Variants in KNG1 observed in about 807,000 individuals in gnomAD.
The protein encoded by KNG1 is kininogen 1.
A neutral mutation model predicts 47.8 loss-of-function variants in KNG1; 23 were observed. That is an observed-to-expected ratio of 0.48 (90% CI 0.35 to 0.68). KNG1 has a LOEUF of 0.68. Among genes scored for constraint, KNG1 ranks in the 30% least tolerant of loss-of-function variants. KNG1 has a pLI of 0.01. For synonymous variants in KNG1, 277 were observed against 277.0 expected (o/e 1.00, Z 0.00); for missense variants, 762 against 790.2 (o/e 0.96, Z 0.43).
At chr3:186,724,422 C>A (rs1284346762) in intron 3 of KNG1, among the ~76,000 whole-genome samples, 1 of 152,122 alleles carries the variant, frequency 6.6e-6, no homozygotes, top group African/African-American at 2.4e-5. Flanking sequence ...AATACAAACT[C>A]TTTTTAATAA....
intron 4 of KNG1, among the ~76,000 whole-genome samples, chr3:186,725,542 G>GTTTTTTTTTTTTTTTTTTTTTTTTTTT (rs1560063426): frequency 1.3e-5 from 1 of 75,062 alleles, no homozygotes; most frequent in African/African-American, 5.3e-5. Flanking sequence ...CCGGCCTTAG[G>GTTTTTTTTTTTTTTTTTTTTTTTTTTT]ATTTTTTTTT....
chr3:186,725,529 A>ATACCG (rs1366689832), intron 4 of KNG1, among the ~76,000 whole-genome samples: 1 of 113,452 alleles, frequency 8.8e-6, no homozygotes, highest in Non-Finnish European at 1.9e-5. Flanking sequence ...AGGAAAAGTC[A>ATACCG]TACCGGCCTT....
At chr3:186,723,412 C>T (rs1378161418) in intron 3 of KNG1, among the ~76,000 whole-genome samples, 1 of 152,086 alleles carries the variant, frequency 6.6e-6, no homozygotes, top group African/African-American at 2.4e-5. Context: ...TCTTCATTTC[C>T]CCCTTCTACC....
chr3:186,722,223 T>C lies in KNG1; in HGVS notation c.307-214T>C, dbSNP rs1720223009. The C allele has an allele frequency of 1.4e-5, 8 of 557,580 alleles. No homozygotes were observed. In the South Asian group the frequency reaches 1.5e-4, roughly 10 times the overall value. The allele number at this position is 557,580 out of a possible 1,614,324, so 34.5% of individuals were successfully genotyped here. On this transcript the variant is annotated intron_variant, in intron 2 of 9. Coordinates refer to ENST00000644859, the MANE Select transcript of KNG1 (RefSeq NM_001102416.3). ...TTAAAACCTCATCATTTACACTGTC[T>C]TTCCTCCAGCATCTCATGAATATCA...
chr3:186,722,468 AGAG>A lies in KNG1; in HGVS notation c.342_344del (p.Arg114del), dbSNP rs1358578652. 6.2e-7 allele frequency: 1 copy of A among 1,614,030 alleles called. No homozygotes were observed. Among genetic ancestry groups the A allele is most frequent in the Admixed American group, 1.7e-5 (1 of 60,008 alleles). On this transcript the variant is annotated inframe_deletion, in exon 3 of 10. Coordinates refer to ENST00000644859, the MANE Select transcript of KNG1 (RefSeq NM_001102416.3). ...GGAGAATGCACGGCAACCGTGGGGAAGAGGAGCAGTACGAAATTCTCCGTGGCT... is the reference window on the plus strand; with the variant it reads ...GGAGAATGCACGGCAACCGTGGGGAAGAGCAGTACGAAATTCTCCGTGGCT...
chr3:186,723,538 T>C (rs1361855420), intron 3 of KNG1, among the ~76,000 whole-genome samples: 5 of 152,206 alleles, frequency 3.3e-5, no homozygotes, highest in Non-Finnish European at 7.3e-5. Context: ...TTTCTGTGCT[T>C]GAGTTGTTTC....
At chr3:186,730,801 A>G (rs1014645379) in intron 5 of KNG1, among the ~76,000 whole-genome samples, 8 of 120,690 alleles carry the variant, frequency 6.6e-5, no homozygotes, top group Non-Finnish European at 1.4e-4. Flanking sequence ...TTAGTATGAT[A>G]CTTATGAAAG....
Position 186,744,107 on chromosome 3 carries a change from C to T in KNG1, c.*1776C>T, listed in dbSNP as rs1418969479. ...GTCCTTAGGCGGGACTTCCTTACCA[C>T]CACGGGTGCTAAAAGAAGAGTTAGT... On this transcript the variant is annotated 3_prime_UTR_variant, in exon 10 of 10. Coordinates refer to ENST00000644859, the MANE Select transcript of KNG1 (RefSeq NM_001102416.3). 1 of 387,818 alleles carries T rather than the reference C, an allele frequency of 2.6e-6. No individual in the cohort carries two copies. 24.0% of individuals were successfully genotyped at this position (387,818 alleles called of 1,614,324 possible). A position where few individuals can be genotyped will look rare whatever the true frequency, so the allele number is the denominator to read the frequency against.
At chr3:186,719,342 C>T (rs1040935533) in intron 1 of KNG1, among the ~76,000 whole-genome samples, 1 of 152,112 alleles carries the variant, frequency 6.6e-6, no homozygotes, top group Non-Finnish European at 1.5e-5. Context: ...ATAATTAATT[C>T]CACCATACAG....
intron 3 of KNG1, among the ~76,000 whole-genome samples, chr3:186,723,286 T>C (rs5030004): frequency 0.041 from 6,218 of 152,264 alleles, 433 homozygotes; most frequent in African/African-American, 0.14. Context: ...GTCCTCTCTT[T>C]TAGCTACTTT....
chr3:186,742,554 A>C lies in KNG1; in HGVS notation c.*223A>C. 1.4e-6 allele frequency: 2 copies of C among 1,383,038 alleles called. No homozygotes were observed. Among genetic ancestry groups the C allele is most frequent in the Non-Finnish European group, 1.9e-6 (2 of 1,070,770 alleles). The allele number at this position is 1,383,038 out of a possible 1,614,324, so 85.7% of individuals were successfully genotyped here. A position where few individuals can be genotyped will look rare whatever the true frequency, so the allele number is the denominator to read the frequency against. On this transcript the variant is annotated 3_prime_UTR_variant, in exon 10 of 10. Transcript: ENST00000644859. ...AACTCTTTTCTGAATCTTCTTCCCAAGTTTTCTAAACTAGCACAGTAAACA... is the reference window on the plus strand; with the variant it reads ...AACTCTTTTCTGAATCTTCTTCCCACGTTTTCTAAACTAGCACAGTAAACA...
At chr3:186,726,585 C>T (rs769882322) in intron 4 of KNG1, among the ~76,000 whole-genome samples, 19 of 152,264 alleles carry the variant, frequency 1.2e-4, no homozygotes, top group Middle Eastern at 3.4e-3. Context: ...CCACCACGCC[C>T]GCCCCTCCCA....
rs1720013271 is a variant in KNG1 at position 186,717,479 on chromosome 3, T to A, written c.-64T>A. ...AGGCTGGAGATTGTCAAATTCAGTA[T>A]CCCAGTTGGCTCTTGATTCTTGGTG... On this transcript the variant is annotated 5_prime_UTR_variant, in exon 1 of 10. Coordinates refer to ENST00000644859, the MANE Select transcript of KNG1 (RefSeq NM_001102416.3). The A allele has an allele frequency of 8.4e-7, 1 of 1,186,432 alleles. No homozygotes were observed. The highest frequency in any genetic ancestry group is 1.2e-5 in the South Asian group (1 of 81,620). 73.5% of individuals were successfully genotyped at this position (1,186,432 alleles called of 1,614,324 possible).
intron 3 of KNG1, among the ~76,000 whole-genome samples, chr3:186,723,357 C>T (rs1039419546): frequency 2.7e-4 from 41 of 152,158 alleles, no homozygotes; most frequent in African/African-American, 9.7e-4. Context: ...AACATTAGAA[C>T]GTATTTCTTC....
intron 1 of KNG1, 147 bp from the exon 2 acceptor site, chr3:186,719,958 T>C: frequency 1.4e-6 from 1 of 696,174 alleles, no homozygotes; most frequent in South Asian, 1.6e-5. Flanking sequence ...TTCACATAAA[T>C]GTTTATGATA....
At chr3:186,725,701 C>T (rs1579117578) in intron 4 of KNG1, among the ~76,000 whole-genome samples, 1 of 133,536 alleles carries the variant, frequency 7.5e-6, no homozygotes, top group Non-Finnish European at 1.7e-5. Context: ...CCCGCCACCA[C>T]ACTGGCTAAT....
intron 3 of KNG1, among the ~76,000 whole-genome samples, chr3:186,722,732 C>G (rs986953023): frequency 1.3e-5 from 2 of 152,192 alleles, no homozygotes; most frequent in African/African-American, 4.8e-5. Flanking sequence ...CAACTCTTCC[C>G]GTGTGCTGCA....
intron 1 of KNG1, 141 bp downstream of exon 1, chr3:186,717,878 ACC>A (rs1720037525): frequency 4.5e-6 from 1 of 224,134 alleles, no homozygotes; most frequent in Non-Finnish European, 7.7e-6. Flanking sequence ...CACCACCACC[ACC>A]ACAACCACCA....
intron 9 of KNG1, among the ~76,000 whole-genome samples, chr3:186,739,989 A>G (rs886340671): frequency 3.1e-4 from 47 of 151,862 alleles, no homozygotes; most frequent in Non-Finnish European, 5.7e-4. Flanking sequence ...TGGAGGTTGC[A>G]GTGAGCCGAG....
Sources: allele counts gnomAD v4.1 joint callset (sites outside exome capture counted in the v4.1 genomes callset), GRCh38; gene constraint gnomAD v4.1.1; transcripts MANE v1.5; gene names NCBI Gene and HGNC (gene_info 2026-07-23, HGNC 2026-07-21).